Variants in DLG2 observed in about 807,000 individuals in gnomAD.
The protein encoded by DLG2 is discs large MAGUK scaffold protein 2.
DLG2 carries 45 observed loss-of-function variants against 132.5 expected under a neutral mutation model. The observed-to-expected ratio is 0.34, with a 90% CI of 0.27 to 0.44. The LOEUF (loss-of-function observed/expected upper bound fraction) is 0.44, where lower values mean the gene tolerates loss of function less well. Among genes scored for constraint, DLG2 ranks in the 20% least tolerant of loss-of-function variants. DLG2 has a pLI of 1.00. For synonymous variants in DLG2, 424 were observed against 419.6 expected (o/e 1.01, Z -0.13); for missense variants, 1,045 against 1,196.9 (o/e 0.87, Z 1.87).
At chr11:85,283,059 G>T (rs1435578661) in intron 4 of DLG2, among the ~76,000 whole-genome samples, 1 of 151,860 alleles carries the variant, frequency 6.6e-6, no homozygotes, top group African/African-American at 2.4e-5. Flanking sequence ...CACAAACAGG[G>T]GAACAACAGA....
intron 6 of DLG2, among the ~76,000 whole-genome samples, chr11:84,924,335 GA>G (rs1196446537): frequency 6.6e-6 from 1 of 152,052 alleles, no homozygotes; most frequent in East Asian, 1.9e-4. Context: ...ATAGTGGGAG[GA>G]AAAAAAGTGG....
chr11:83,929,383 T>C (rs756164927), intron 15 of DLG2, among the ~76,000 whole-genome samples: 6 of 152,204 alleles, frequency 3.9e-5, no homozygotes, highest in Non-Finnish European at 7.4e-5. Flanking sequence ...TGTAGGAACA[T>C]TACAATTGGG....
chr11:85,289,341 A>C (rs1475324942), intron 3 of DLG2, among the ~76,000 whole-genome samples: 1 of 151,708 alleles, frequency 6.6e-6, no homozygotes, highest in Non-Finnish European at 1.5e-5. Flanking sequence ...TGTTACTCAC[A>C]CTCTTCTCTA....
At chr11:84,970,305 C>A (rs2053914394) in intron 6 of DLG2, among the ~76,000 whole-genome samples, 1 of 152,162 alleles carries the variant, frequency 6.6e-6, no homozygotes, top group African/African-American at 2.4e-5. Flanking sequence ...ACTGTCTCTA[C>A]TCCTCTTCCT....
intron 14 of DLG2, among the ~76,000 whole-genome samples, chr11:83,944,401 T>C (rs1212288721): frequency 2.0e-5 from 3 of 152,144 alleles, no homozygotes; most frequent in African/African-American, 7.2e-5. Flanking sequence ...TTGAGTAAGA[T>C]CACAAATTAA....
intron 11 of DLG2, among the ~76,000 whole-genome samples, chr11:84,026,957 T>G (rs1327869308): frequency 6.6e-6 from 1 of 152,134 alleles, no homozygotes; most frequent in Non-Finnish European, 1.5e-5. Flanking sequence ...TCTATTATAT[T>G]CCTTATTATT....
At chr11:83,908,308 T>TA (rs1393501136) in intron 15 of DLG2, among the ~76,000 whole-genome samples, 1 of 149,638 alleles carries the variant, frequency 6.7e-6, no homozygotes, top group Non-Finnish European at 1.5e-5. Context: ...TTTCACCTTC[T>TA]TTTTTTTTTC....
chr11:83,649,979 G>T (rs1029210523), intron 18 of DLG2, among the ~76,000 whole-genome samples: 3 of 152,176 alleles, frequency 2.0e-5, no homozygotes, highest in African/African-American at 7.2e-5. Flanking sequence ...CATATTAGGG[G>T]TTTGCTAGAG....
chr11:84,501,716 A>T (rs1038935868), intron 7 of DLG2, among the ~76,000 whole-genome samples: 1 of 152,118 alleles, frequency 6.6e-6, no homozygotes, highest in Non-Finnish European at 1.5e-5. Context: ...ATTATTCTCT[A>T]TAATGAAAAA....
intron 4 of DLG2, among the ~76,000 whole-genome samples, chr11:85,269,810 G>A (rs559727132): frequency 6.6e-6 from 1 of 152,178 alleles, no homozygotes; most frequent in South Asian, 2.1e-4. Flanking sequence ...ATTTTGAAAA[G>A]TATGTTTCAC....
At position 84,675,465 on chromosome 11, in the gene DLG2, TTTC is replaced by T. The variant is rs2099710287; in HGVS notation, c.358-140737_358-140735del. ...TTAACAAATAAGATGAAGTATAAAA[TTTC>T]ACAAGTGGAATTCAGCCTTAAAACT... On this transcript the variant is annotated intron_variant, in intron 6 of 27. Transcript: ENST00000376104. Among the ~76,000 whole-genome samples the T allele has an allele frequency of 2.6e-5, 4 of 152,154 alleles. 1 individual carries two copies. The highest frequency in any genetic ancestry group is 4.2e-4 in the South Asian group (2 of 4,808).
chr11:85,023,558 TAG>T (rs1290464462), intron 6 of DLG2, among the ~76,000 whole-genome samples: 2 of 152,036 alleles, frequency 1.3e-5, no homozygotes, highest in Admixed American at 1.3e-4. Flanking sequence ...CACAAGATAA[TAG>T]AGATTAAATA....
chr11:85,044,448 A>T (rs1471263049), intron 6 of DLG2, among the ~76,000 whole-genome samples: 1 of 152,028 alleles, frequency 6.6e-6, no homozygotes, highest in Non-Finnish European at 1.5e-5. Context: ...CCAATTTCAT[A>T]ATTATAATTG....
intron 12 of DLG2, among the ~76,000 whole-genome samples, chr11:83,970,410 G>C (rs180716659): frequency 8.5e-5 from 13 of 152,244 alleles, no homozygotes; most frequent in Admixed American, 2.0e-4. Flanking sequence ...GAGGATACTG[G>C]GGAGAATAAT....
intron 6 of DLG2, among the ~76,000 whole-genome samples, chr11:84,908,449 A>G (rs1591077628): frequency 6.6e-6 from 1 of 152,162 alleles, no homozygotes; most frequent in African/African-American, 2.4e-5. Context: ...GTACGACTCA[A>G]GTGTGTGTCT....
intron 6 of DLG2, among the ~76,000 whole-genome samples, chr11:84,867,390 G>A (rs1393687022): frequency 1.3e-5 from 2 of 152,072 alleles, no homozygotes; most frequent in Non-Finnish European, 2.9e-5. Flanking sequence ...AGTTGTTTTC[G>A]GTTCCCACTT....
At chr11:83,579,797 C>G (rs1405838606) in intron 19 of DLG2, among the ~76,000 whole-genome samples, 1 of 151,766 alleles carries the variant, frequency 6.6e-6, no homozygotes, top group African/African-American at 2.4e-5. Context: ...GGTGAAACCC[C>G]GTCTCCACTA....
intron 18 of DLG2, among the ~76,000 whole-genome samples, chr11:83,736,056 C>T (rs2091855511): frequency 6.6e-6 from 1 of 152,134 alleles, no homozygotes; most frequent in Admixed American, 6.6e-5. Context: ...TCTGTTAGGT[C>T]ACAAACTGTC....
At chr11:85,212,958 T>A (rs1242028659) in intron 4 of DLG2, among the ~76,000 whole-genome samples, 1 of 152,140 alleles carries the variant, frequency 6.6e-6, no homozygotes, top group Non-Finnish European at 1.5e-5. Context: ...CTACAAAATG[T>A]GAGTAGGTAG....
Sources: gnomAD v4.1 joint callset for allele counts (sites outside exome capture counted in the v4.1 genomes callset) on GRCh38, gnomAD v4.1.1 for gene constraint, MANE v1.5 for transcripts, NCBI Gene and HGNC (gene_info 2026-07-23, HGNC 2026-07-21) for gene names.